Variants in RALGAPA2 observed in about 807,000 individuals in gnomAD.
RALGAPA2 encodes ral GTPase-activating protein subunit alpha-2.
Under a neutral mutation model 230.4 loss-of-function variants are expected in RALGAPA2, and 139 were observed. The observed-to-expected ratio is 0.60, with a 90% CI of 0.53 to 0.69. The LOEUF (loss-of-function observed/expected upper bound fraction) is 0.69. Among genes scored for constraint, RALGAPA2 ranks in the 30% least tolerant of loss-of-function variants. RALGAPA2 has a pLI of 0.00. For missense variants in RALGAPA2, 2,163 were observed against 2,276.0 expected (o/e 0.95, Z 1.01); for synonymous variants, 847 against 837.8 (o/e 1.01, Z -0.19).
rs1195831079 is a variant in RALGAPA2, at chr20:20,412,028, C to T, written c.5616G>A (p.Thr1872=). Residue 1872 remains threonine, a splice_region_variant and synonymous_variant, in exon 38 of 40, where the codon ACG becomes ACA. Transcript: ENST00000202677. ...SPSPSYSLSG[T]D Reference sequence around the variant, plus strand: ...GAGAAGAATAATGTAGACACTCACCCGTTCCGCTGAGGGAGTAGCTGGGAG... The same window carrying T: ...GAGAAGAATAATGTAGACACTCACCTGTTCCGCTGAGGGAGTAGCTGGGAG... 6.8e-6 allele frequency: 11 copies of T among 1,613,824 alleles called. No homozygotes were observed. The highest frequency in any genetic ancestry group is 4.0e-5 in the African/African-American group (3 of 74,930).
chr20:20,579,639 A>T (rs919423198), intron 20 of RALGAPA2, among the ~76,000 whole-genome samples: 5 of 152,276 alleles, frequency 3.3e-5, no homozygotes, highest in African/African-American at 1.2e-4. Flanking sequence ...CTATTTTTTA[A>T]AAAAAATCAT....
chr20:20,663,355 T>G (rs943031152), intron 3 of RALGAPA2, among the ~76,000 whole-genome samples: 2 of 152,180 alleles, frequency 1.3e-5, no homozygotes, highest in African/African-American at 4.8e-5. Context: ...AAGGGATGCC[T>G]GAAACCACAG....
intron 37 of RALGAPA2, among the ~76,000 whole-genome samples, chr20:20,469,066 C>G (rs1315608155): frequency 6.6e-6 from 1 of 152,020 alleles, no homozygotes; most frequent in East Asian, 1.9e-4. Context: ...AAAGCCTGGT[C>G]CATGAACAAA....
intron 37 of RALGAPA2, among the ~76,000 whole-genome samples, chr20:20,451,285 AG>A (rs1378799932): frequency 6.6e-6 from 1 of 152,236 alleles, no homozygotes; most frequent in African/African-American, 2.4e-5. Context: ...TCCTATCTGT[AG>A]ATCAGAAAGC....
chr20:20,546,548 A>C (rs2063778453), intron 24 of RALGAPA2, among the ~76,000 whole-genome samples, 156 bp downstream of exon 24: 1 of 152,220 alleles, frequency 6.6e-6, no homozygotes, highest in Non-Finnish European at 1.5e-5. Flanking sequence ...ATCTTATCCT[A>C]CAATTTCACA....
intron 20 of RALGAPA2, among the ~76,000 whole-genome samples, chr20:20,574,837 A>G (rs150979985): frequency 3.9e-5 from 6 of 152,058 alleles, no homozygotes; most frequent in Non-Finnish European, 8.8e-5. Flanking sequence ...TGGATTCCAC[A>G]TCTCCAACCT....
chr20:20,404,304 C>A (rs2059905112), intron 38 of RALGAPA2, among the ~76,000 whole-genome samples: 1 of 152,054 alleles, frequency 6.6e-6, no homozygotes, highest in African/African-American at 2.4e-5. Flanking sequence ...GGCTAATGGG[C>A]AAAAAGGAAC....
chr20:20,609,497 T>G (rs1460766736), intron 14 of RALGAPA2, among the ~76,000 whole-genome samples: 1 of 151,744 alleles, frequency 6.6e-6, no homozygotes, highest in Non-Finnish European at 1.5e-5. Context: ...TGGGGGGAGT[T>G]TTTTTTTCCC....
At chr20:20,409,394 C>A (rs2060014749) in intron 38 of RALGAPA2, among the ~76,000 whole-genome samples, 1 of 152,096 alleles carries the variant, frequency 6.6e-6, no homozygotes, top group Non-Finnish European at 1.5e-5. Context: ...GGTGAGGATA[C>A]AAAGAAAACC....
At chr20:20,404,475 C>T (rs764325198) in intron 38 of RALGAPA2, among the ~76,000 whole-genome samples, 8 of 152,104 alleles carry the variant, frequency 5.3e-5, no homozygotes, top group Non-Finnish European at 1.0e-4. Context: ...TGAGCAAAAC[C>T]ACTGAGTCTT....
chr20:20,511,627 T>C (rs75540287), intron 32 of RALGAPA2, among the ~76,000 whole-genome samples: 2,574 of 152,290 alleles, frequency 0.017, 95 homozygotes, highest in East Asian at 0.14. Flanking sequence ...GTGAATCCCT[T>C]TTCCCTACCT....
At chr20:20,519,786 C>G (rs2145431612) in intron 31 of RALGAPA2, among the ~76,000 whole-genome samples, 1 of 152,310 alleles carries the variant, frequency 6.6e-6, no homozygotes, top group East Asian at 1.9e-4. Context: ...TTTCTGCCCA[C>G]AAGGTTCTAG....
intron 37 of RALGAPA2, among the ~76,000 whole-genome samples, chr20:20,465,942 C>G (rs1418937078): frequency 6.6e-6 from 1 of 152,256 alleles, no homozygotes; most frequent in African/African-American, 2.4e-5. Context: ...ACTCCAGTAT[C>G]TGCAAGGGCC....
intron 37 of RALGAPA2, among the ~76,000 whole-genome samples, chr20:20,419,959 G>A (rs116210444): frequency 7.3e-4 from 111 of 152,256 alleles, no homozygotes; most frequent in African/African-American, 2.6e-3. Context: ...GAGGCAGACC[G>A]AACACTAGTT....
At chr20:20,410,759 T>C (rs374012327) in intron 38 of RALGAPA2, among the ~76,000 whole-genome samples, 1 of 152,342 alleles carries the variant, frequency 6.6e-6, no homozygotes, top group East Asian at 1.9e-4. Context: ...GCTTTTCTCA[T>C]GTTGCTTAGT....
intron 23 of RALGAPA2, among the ~76,000 whole-genome samples, chr20:20,564,594 T>C (rs886651446): frequency 1.3e-5 from 2 of 152,154 alleles, no homozygotes; most frequent in Non-Finnish European, 2.9e-5. Context: ...GTGACCCTAA[T>C]AATAAAGTGC....
intron 10 of RALGAPA2, among the ~76,000 whole-genome samples, chr20:20,620,843 T>A (rs2066297481): frequency 1.3e-5 from 2 of 152,156 alleles, no homozygotes; most frequent in Non-Finnish European, 2.9e-5. Flanking sequence ...AAAAATGGCG[T>A]TAAAAATAAC....
At chr20:20,467,691 G>A (rs978490398) in intron 37 of RALGAPA2, among the ~76,000 whole-genome samples, 55 of 152,288 alleles carry the variant, frequency 3.6e-4, no homozygotes, top group African/African-American at 1.3e-3. Flanking sequence ...AAGTCATTCA[G>A]ATACTGGCTA....
Position 20,632,027 on chromosome 20 carries a change from C to CT in RALGAPA2, c.1006-2438dup, listed in dbSNP as rs563059184. On this transcript the variant is annotated intron_variant, in intron 9 of 39. Transcript: ENST00000202677. ...TCTCCTGGCCCATTCACACACCCAG[C>CT]TTTTTTTTTTTTTTTGAGACAGAGT... Among the ~76,000 whole-genome samples, 1,373 of 141,344 alleles carry CT rather than the reference C, an allele frequency of 9.7e-3. 10 individuals are homozygous for CT. Among genetic ancestry groups the CT allele is most frequent in the African/African-American group, 0.025 (950 of 38,718 alleles). The allele number at this position is 141,344 out of a possible 152,430, so 92.7% of individuals were successfully genotyped here. A position where few individuals can be genotyped will look rare whatever the true frequency, so the allele number is the denominator to read the frequency against.
Sources: gnomAD v4.1 joint callset for allele counts (sites outside exome capture counted in the v4.1 genomes callset) on GRCh38, gnomAD v4.1.1 for gene constraint, MANE v1.5 for transcripts, NCBI Gene and HGNC (gene_info 2026-07-23, HGNC 2026-07-21) for gene names.